The following PDIA4 variants were observed in gnomAD, a reference collection of about 807,000 sequenced individuals.
The protein encoded by PDIA4 is protein disulfide isomerase family A member 4, also known as protein disulfide-isomerase A4.
PDIA4 carries 33 observed loss-of-function variants against 62.1 expected under a neutral mutation model. That is an observed-to-expected ratio of 0.53 (90% CI 0.40 to 0.71). The LOEUF (loss-of-function observed/expected upper bound fraction) is 0.71, where lower values mean the gene tolerates loss of function less well. Ranked by LOEUF, PDIA4 falls within the 30% of genes least tolerant of loss-of-function variation. The pLI is 0.00. For missense variants in PDIA4, 804 were observed against 813.6 expected (o/e 0.99, Z 0.14); for synonymous variants, 341 against 324.1 (o/e 1.05, Z -0.56).
At position 149,004,159 on chromosome 7, in the gene PDIA4, C is replaced by T. The variant is rs780886422; in HGVS notation, c.1573G>A (p.Gly525Arg). The T allele has an allele frequency of 1.2e-6, 2 of 1,613,950 alleles. No individual in the cohort carries two copies. Among genetic ancestry groups the T allele is most frequent in the Non-Finnish European group, 1.7e-6 (2 of 1,179,958 alleles). ...KSQPVPKNNK[G>R]PVKVVVGKTF... Reference sequence around the variant, plus strand: ...TTTCCCACCACGACCTTGACGGGTCCCTTGTTGTTCTTGGGCACTGGCTGG... The same window carrying T: ...TTTCCCACCACGACCTTGACGGGTCTCTTGTTGTTCTTGGGCACTGGCTGG... Residue 525 changes from glycine (G) to arginine (R), a missense_variant, in exon 10 of 10, where the codon GGA becomes AGA. By Grantham distance (125) the Gly-to-Arg change is moderately radical. Coordinates refer to ENST00000652332, the MANE Select transcript of PDIA4 (RefSeq NM_004911.5).
chr7:149,023,622 A>C (rs1287652003), intron 1 of PDIA4, among the ~76,000 whole-genome samples: 1 of 152,048 alleles, frequency 6.6e-6, no homozygotes, highest in East Asian at 1.9e-4. Context: ...ATGGATGGGA[A>C]GATTGGAGGA....
chr7:149,025,751 T>A (rs1286025755), intron 1 of PDIA4, among the ~76,000 whole-genome samples: 4 of 152,210 alleles, frequency 2.6e-5, no homozygotes, highest in Non-Finnish European at 5.9e-5. Context: ...CACATTTTTA[T>A]GGCTCCGAAA....
At position 149,005,951 on chromosome 7, in the gene PDIA4, G is replaced by A. The variant is rs763068078; in HGVS notation, c.1234C>T (p.Arg412Cys). 23 of 1,530,858 alleles carry A rather than the reference G, an allele frequency of 1.5e-5. No homozygotes were observed. The highest frequency in any genetic ancestry group is 2.9e-5 in the African/African-American group (2 of 68,766). The allele number at this position is 1,530,858 out of a possible 1,614,324, so 94.8% of individuals were successfully genotyped here. A position where few individuals can be genotyped will look rare whatever the true frequency, so the allele number is the denominator to read the frequency against. The change falls in exon 8 of 10, where the codon CGC becomes TGC. Residue 412 changes from arginine (R) to cysteine (C), a missense_variant. Arg to Cys is a radical substitution (Grantham distance 180). Coordinates refer to ENST00000652332, the MANE Select transcript of PDIA4 (RefSeq NM_004911.5). The stretch of plus-strand genomic sequence containing the variant: ...CTGTAGTAGACGACCACCAGGGGGC[G>A]CCTGGTGTAGCGCTTAGCATCGTTT... The part of the protein sequence containing the change: ...VSNDAKRYTR[R>C]PLVVVYYSVD...
chr7:149,025,085 A>AAAAAAATATATATAT (rs1554446854), intron 1 of PDIA4, among the ~76,000 whole-genome samples: 2 of 22,332 alleles, frequency 9.0e-5, no homozygotes, highest in African/African-American at 1.2e-4. Context: ...AAAAAAAAAA[A>AAAAAAATATATATAT]ATATATATAT....
intron 8 of PDIA4, among the ~76,000 whole-genome samples, chr7:149,005,683 G>A (rs945450358): frequency 6.6e-6 from 1 of 152,152 alleles, no homozygotes; most frequent in African/African-American, 2.4e-5. Flanking sequence ...AACTCTAAGA[G>A]GGTTCTGCAC....
chr7:149,009,682 G>A (rs896675032), intron 6 of PDIA4, among the ~76,000 whole-genome samples: 5 of 152,238 alleles, frequency 3.3e-5, no homozygotes, highest in Non-Finnish European at 7.3e-5. Flanking sequence ...AGGCTCTAAG[G>A]ACCATGTGGT....
rs140097243 is a variant in PDIA4, at chr7:149,005,300, C to G, written c.1363G>C (p.Glu455Gln). 6.2e-7 allele frequency: 1 copy of G among 1,614,176 alleles called. No individual in the cohort carries two copies. The change falls in exon 9 of 10, where the codon GAA (glutamate) becomes CAA (glutamine). Residue 455 changes from glutamate to glutamine, a missense_variant. Coordinates refer to ENST00000652332, the MANE Select transcript of PDIA4 (RefSeq NM_004911.5). ...TTCACCTCCCCAGCATAGTCCTCTT[C>G]GTCCGCAATGGCAAAGGTGTACTCA... ...FPEYTFAIAD[E>Q]EDYAGEVKDL...
At position 149,028,462 on chromosome 7, in the gene PDIA4, AGAAC is replaced by A; in HGVS notation, c.-58_-55del. The stretch of plus-strand genomic sequence containing the variant: ...GCGTCGGCGGCCGCTGAGCGCACCG[AGAAC>A]TCGGGGTCTGGCCGACAGCCCGTCG... On this transcript the variant is annotated 5_prime_UTR_variant, in exon 1 of 10. Coordinates refer to ENST00000652332, the MANE Select transcript of PDIA4 (RefSeq NM_004911.5). The A allele has an allele frequency of 7.8e-7, 1 of 1,276,470 alleles. No homozygotes were observed. Among genetic ancestry groups the A allele is most frequent in the South Asian group, 1.5e-5 (1 of 68,746 alleles). The allele number at this position is 1,276,470 out of a possible 1,614,324, so 79.1% of individuals were successfully genotyped here.
chr7:149,025,976 G>A (rs529039918), intron 1 of PDIA4, among the ~76,000 whole-genome samples: 1 of 152,202 alleles, frequency 6.6e-6, no homozygotes, highest in South Asian at 2.1e-4. Context: ...TGCAACCGGA[G>A]GCTTAAACCA....
chr7:149,013,982 A>G (rs1324426069), intron 4 of PDIA4, among the ~76,000 whole-genome samples: 1 of 152,130 alleles, frequency 6.6e-6, no homozygotes, highest in Non-Finnish European at 1.5e-5. Flanking sequence ...GTGTCTCTCC[A>G]GCATCGCAAG....
chr7:149,017,154 T>C (rs1291713419), intron 3 of PDIA4, among the ~76,000 whole-genome samples: 3 of 151,214 alleles, frequency 2.0e-5, no homozygotes, highest in Non-Finnish European at 2.9e-5. Context: ...CGGAAGCCTA[T>C]TCAACGCTCT....
rs2129504147 is a variant in PDIA4, at chr7:149,008,193, T to C, written c.1097A>G (p.Lys366Arg). The C allele has an allele frequency of 6.2e-7, 1 of 1,614,130 alleles. No individual in the cohort carries two copies. The highest frequency in any genetic ancestry group is 8.5e-7 in the Non-Finnish European group (1 of 1,180,000). The stretch of plus-strand genomic sequence containing the variant: ...CATCATGTGGCTCCGGGGCTCATAC[T>C]TGGACTGGAATTTCTCAGGCTGCAT... ...VVMQPEKFQS[K>R]YEPRSHMMDV... The change falls in exon 7 of 10, where the codon AAG becomes AGG. Residue 366 changes from lysine to arginine, a missense_variant. Coordinates refer to ENST00000652332, the MANE Select transcript of PDIA4 (RefSeq NM_004911.5).
At chr7:149,026,181 A>G (rs945721084) in intron 1 of PDIA4, among the ~76,000 whole-genome samples, 4 of 152,146 alleles carry the variant, frequency 2.6e-5, no homozygotes, top group Non-Finnish European at 5.9e-5. Context: ...CAGTGAATCT[A>G]TGACAGGTTT....
chr7:149,013,987 C>T (rs1824040006), intron 4 of PDIA4, among the ~76,000 whole-genome samples: 1 of 152,170 alleles, frequency 6.6e-6, no homozygotes, highest in Admixed American at 6.5e-5. Context: ...TCTCCAGCAT[C>T]GCAAGGGGGT....
chr7:149,005,055 G>C (rs994968364), intron 9 of PDIA4, 86 bp downstream of exon 9: 2 of 1,040,092 alleles, frequency 1.9e-6, no homozygotes, highest in Non-Finnish European at 3.0e-6. Flanking sequence ...CCCGTGGCCA[G>C]AGCACCAGAC....
rs542343968 is a variant in PDIA4 at position 149,028,452 on chromosome 7, G to A, written c.-44C>T. 1 of 1,333,636 alleles carries A rather than the reference G, an allele frequency of 7.5e-7. No homozygotes were observed. Among genetic ancestry groups the A allele is most frequent in the South Asian group, 1.4e-5 (1 of 70,902 alleles). 82.6% of individuals were successfully genotyped at this position (1,333,636 alleles called of 1,614,324 possible). Reference sequence around the variant, plus strand: ...CGGCCTCCTAGCGTCGGCGGCCGCTGAGCGCACCGAGAACTCGGGGTCTGG... The same window carrying A: ...CGGCCTCCTAGCGTCGGCGGCCGCTAAGCGCACCGAGAACTCGGGGTCTGG... On this transcript the variant is annotated 5_prime_UTR_variant, in exon 1 of 10. Coordinates refer to ENST00000652332, the MANE Select transcript of PDIA4 (RefSeq NM_004911.5).
At position 149,028,470 on chromosome 7, in the gene PDIA4, G is replaced by A; in HGVS notation, c.-62C>T. 12 of 1,184,686 alleles carry A rather than the reference G, an allele frequency of 1.0e-5. No homozygotes were observed. The highest frequency in any genetic ancestry group is 4.6e-5 in the South Asian group (3 of 64,870). 73.4% of individuals were successfully genotyped at this position (1,184,686 alleles called of 1,614,324 possible). A position where few individuals can be genotyped will look rare whatever the true frequency, so the allele number is the denominator to read the frequency against. On this transcript the variant is annotated 5_prime_UTR_variant, in exon 1 of 10. Coordinates refer to ENST00000652332, the MANE Select transcript of PDIA4 (RefSeq NM_004911.5). ...GGCCGCTGAGCGCACCGAGAACTCG[G>A]GGTCTGGCCGACAGCCCGTCGCTCC... is the stretch of plus-strand genomic sequence containing the variant.
intron 1 of PDIA4, among the ~76,000 whole-genome samples, chr7:149,024,769 T>C (rs1021696993): frequency 1.5e-5 from 2 of 134,602 alleles, no homozygotes; most frequent in African/African-American, 5.9e-5. Flanking sequence ...TGAGCTGAGA[T>C]CGCACCACTG....
chr7:149,005,814 A>G, intron 8 of PDIA4, 83 bp downstream of exon 8: 1 of 1,131,130 alleles, frequency 8.8e-7, no homozygotes, highest in Non-Finnish European at 1.2e-6. Context: ...ATACAGCCAC[A>G]CCTCCCCTCA....
Sources: gnomAD v4.1 joint callset for allele counts (sites outside exome capture counted in the v4.1 genomes callset) on GRCh38, gnomAD v4.1.1 for gene constraint, MANE v1.5 for transcripts, NCBI Gene and HGNC (gene_info 2026-07-23, HGNC 2026-07-21) for gene names.